The following ALDH2 variants were observed in gnomAD, a reference collection of about 807,000 sequenced individuals.
ALDH2 encodes aldehyde dehydrogenase 2 family member.
Under a neutral mutation model 59.6 loss-of-function variants are expected in ALDH2, and 44 were observed. The ratio of observed to expected loss-of-function variants is 0.74; its 90% confidence interval spans 0.58 to 0.95. ALDH2 has a LOEUF of 0.95. Ranked by LOEUF, ALDH2 falls within the 40% of genes least tolerant of loss-of-function variation. The probability of loss-of-function intolerance (pLI) is 0.00; values close to 1 mark genes in which losing one functional copy is unlikely to be tolerated. For synonymous variants in ALDH2, 291 were observed against 284.0 expected, an observed-to-expected ratio of 1.02 and a Z score of -0.25; for missense variants, 570 against 696.3, an observed-to-expected ratio of 0.82 and a Z score of 2.04.
intron 9 of ALDH2, 93 bp from the exon 10 acceptor site, chr12:111,797,985 C>T: frequency 1.4e-6 from 2 of 1,472,020 alleles, no homozygotes; most frequent in South Asian, 1.2e-5. Flanking sequence ...GGTCCATTTC[C>T]CAGTTGTCTT....
intron 1 of ALDH2, among the ~76,000 whole-genome samples, chr12:111,772,193 C>T (rs773617780): frequency 6.6e-6 from 1 of 152,146 alleles, no homozygotes; most frequent in Non-Finnish European, 1.5e-5. Flanking sequence ...TGATGTGCCA[C>T]CCCTGCAGAT....
At chr12:111,785,554 T>C (rs2068303328) in intron 4 of ALDH2, among the ~76,000 whole-genome samples, 2 of 151,996 alleles carry the variant, frequency 1.3e-5, no homozygotes, top group Admixed American at 1.3e-4. Flanking sequence ...TGAAACCCCA[T>C]CTCTACTAAA....
At chr12:111,788,740 G>T (rs1244238094) in intron 4 of ALDH2, among the ~76,000 whole-genome samples, 1 of 152,136 alleles carries the variant, frequency 6.6e-6, no homozygotes, top group Non-Finnish European at 1.5e-5. Context: ...AATGGCTCGA[G>T]CCTGTAATCC....
chr12:111,777,180 C>T (rs898909961), intron 1 of ALDH2, among the ~76,000 whole-genome samples: 2 of 152,170 alleles, frequency 1.3e-5, no homozygotes, highest in Admixed American at 6.5e-5. Context: ...GCTGTGTGAC[C>T]TAGAGCCAAG....
Position 111,817,212 on chromosome 12 carries a change from A to G in ALDH2, c.*7637A>G, listed in dbSNP as rs1283569910. On this transcript the variant is annotated 3_prime_UTR_variant, in exon 13 of 13. Coordinates refer to ENST00000261733, the MANE Select transcript of ALDH2 (RefSeq NM_000690.4). Reference sequence around the variant, plus strand: ...TACAGAGGACATCACAACGGAAGTTATTAATGTGACCAAGGAAACAATAGC... The same window carrying G: ...TACAGAGGACATCACAACGGAAGTTGTTAATGTGACCAAGGAAACAATAGC... The G allele has an allele frequency of 6.6e-6, 1 of 152,226 alleles. No individual in the cohort carries two copies. Among genetic ancestry groups the G allele is most frequent in the Non-Finnish European group, 1.5e-5 (1 of 68,036 alleles). 9.4% of individuals were successfully genotyped at this position (152,226 alleles called of 1,614,324 possible). A position where few individuals can be genotyped will look rare whatever the true frequency, so the allele number is the denominator to read the frequency against.
Position 111,815,193 on chromosome 12 carries a change from GCTT to G in ALDH2, c.*5622_*5624del, listed in dbSNP as rs940932305. 6.6e-6 allele frequency: 1 copy of G among 152,134 alleles called. No individual in the cohort carries two copies. The highest frequency in any genetic ancestry group is 2.4e-5 in the African/African-American group (1 of 41,418). 9.4% of individuals were successfully genotyped at this position (152,134 alleles called of 1,614,324 possible). Reference sequence around the variant, plus strand: ...AACTGTACTTGGAGCCTTCTCAAGAGCTTCTTAACAATATTTTCATTTTTTATA... The same window carrying G: ...AACTGTACTTGGAGCCTTCTCAAGAGCTTAACAATATTTTCATTTTTTATA... On this transcript the variant is annotated 3_prime_UTR_variant, in exon 13 of 13. Coordinates refer to ENST00000261733, the MANE Select transcript of ALDH2 (RefSeq NM_000690.4).
At chr12:111,790,673 G>T (rs1322666199) in intron 6 of ALDH2, 111 bp downstream of exon 6, 4 of 1,426,956 alleles carry the variant, frequency 2.8e-6, no homozygotes, top group Non-Finnish European at 3.8e-6. Flanking sequence ...TGTTTGTGGA[G>T]CCCCCATCAC....
At chr12:111,791,905 GA>G (rs943157682) in intron 7 of ALDH2, among the ~76,000 whole-genome samples, 155 bp from the exon 8 acceptor site, 6 of 150,756 alleles carry the variant, frequency 4.0e-5, no homozygotes, top group Admixed American at 6.6e-5. Context: ...CTGTCCAAAA[GA>G]AAAAAAAAGT....
chr12:111,796,672 A>C (rs964936010), intron 9 of ALDH2, among the ~76,000 whole-genome samples: 1 of 152,068 alleles, frequency 6.6e-6, no homozygotes, highest in Non-Finnish European at 1.5e-5. Flanking sequence ...GAGGGAGGCC[A>C]AGGTGAGTCA....
At chr12:111,784,320 A>T (rs571448047) in intron 3 of ALDH2, among the ~76,000 whole-genome samples, 423 of 152,292 alleles carry the variant, frequency 2.8e-3, no homozygotes, top group South Asian at 6.4e-3. Flanking sequence ...TCTCAAAAAA[A>T]AAATGACCCA....
chr12:111,790,714 T>C, intron 6 of ALDH2, 152 bp downstream of exon 6: 1 of 994,056 alleles, frequency 1.0e-6, no homozygotes, highest in East Asian at 2.6e-5. Context: ...CCTCTTAGCT[T>C]TTTTCCACAT....
rs1267862623 is a variant in ALDH2, at chr12:111,817,347, G to A, written c.*7772G>A. On this transcript the variant is annotated 3_prime_UTR_variant, in exon 13 of 13. Coordinates refer to ENST00000261733, the MANE Select transcript of ALDH2 (RefSeq NM_000690.4). ...AGCCCAAGGCTGGGACAGATTAACA[G>A]GAATCCATAGCCCAGGGATGCGACC... The A allele has an allele frequency of 6.6e-6, 1 of 152,220 alleles. No individual in the cohort carries two copies. Among genetic ancestry groups the A allele is most frequent in the African/African-American group, 2.4e-5 (1 of 41,468 alleles). The allele number at this position is 152,220 out of a possible 1,614,324, so 9.4% of individuals were successfully genotyped here. A position where few individuals can be genotyped will look rare whatever the true frequency, so the allele number is the denominator to read the frequency against.
intron 10 of ALDH2, 60 bp from the exon 11 acceptor site, chr12:111,799,846 G>C (rs2068434766): frequency 6.4e-7 from 1 of 1,563,360 alleles, no homozygotes; most frequent in South Asian, 1.2e-5. Context: ...TGCTCTGAGA[G>C]AGCTCGATGG....
intron 6 of ALDH2, 39 bp from the exon 7 acceptor site, chr12:111,791,267 G>A: frequency 4.0e-6 from 6 of 1,490,740 alleles, no homozygotes; most frequent in Non-Finnish European, 5.6e-6. Flanking sequence ...TTCAGAATAG[G>A]AGGGTGACTC....
At chr12:111,767,231 G>T in intron 1 of ALDH2, 135 bp downstream of exon 1, 1 of 650,000 alleles carries the variant, frequency 1.5e-6, no homozygotes. Flanking sequence ...TGACCTGGAA[G>T]CACATCTGCC....
At position 111,792,123 on chromosome 12, in the gene ALDH2, G is replaced by C. The variant is rs554937672; in HGVS notation, c.858G>C (p.Leu286=). Residue 286 remains leucine, a synonymous_variant, in exon 8 of 13, where the codon CTG becomes CTC. Coordinates refer to ENST00000261733, the MANE Select transcript of ALDH2 (RefSeq NM_000690.4). Reference sequence around the variant, plus strand: ...ACCTCAAGAGAGTGACCTTGGAGCTGGGGGGGAAGAGCCCCAACATCATCA... The same window carrying C: ...ACCTCAAGAGAGTGACCTTGGAGCTCGGGGGGAAGAGCCCCAACATCATCA... ...SSNLKRVTLE[L]GGKSPNIIMS... 5 of 1,602,552 alleles carry C rather than the reference G, an allele frequency of 3.1e-6. No individual in the cohort carries two copies. In the African/African-American group the frequency reaches 4.0e-5, roughly 13 times the overall value.
intron 1 of ALDH2, among the ~76,000 whole-genome samples, chr12:111,769,517 G>T (rs1294578722): frequency 6.6e-6 from 1 of 151,560 alleles, no homozygotes; most frequent in Non-Finnish European, 1.5e-5. Context: ...CATTTTGTTT[G>T]CATTTACAAG....
At chr12:111,809,420 C>T (rs758877298) in intron 12 of ALDH2, 123 bp from the exon 13 acceptor site, 2 of 1,049,182 alleles carry the variant, frequency 1.9e-6, no homozygotes, top group Non-Finnish European at 2.9e-6. Context: ...CACCCCTGTA[C>T]TCCAGTCTGG....
At chr12:111,776,775 C>G (rs2068237999) in intron 1 of ALDH2, among the ~76,000 whole-genome samples, 1 of 151,910 alleles carries the variant, frequency 6.6e-6, no homozygotes, top group Admixed American at 6.6e-5. Flanking sequence ...ACCTCCATCT[C>G]CTAGGTTCAA....
Sources: gnomAD v4.1 joint callset for allele counts (sites outside exome capture counted in the v4.1 genomes callset) on GRCh38, gnomAD v4.1.1 for gene constraint, MANE v1.5 for transcripts, NCBI Gene and HGNC (gene_info 2026-07-23, HGNC 2026-07-21) for gene names.